The following PRUNE2 variants were observed in gnomAD, a reference collection of about 807,000 sequenced individuals.
PRUNE2 encodes the protein prune homolog 2 with BCH domain, also known as protein prune homolog 2.
Under a neutral mutation model 252.0 loss-of-function variants are expected in PRUNE2, and 164 were observed. The ratio of observed to expected loss-of-function variants is 0.65; its 90% CI spans 0.57 to 0.74. The LOEUF (loss-of-function observed/expected upper bound fraction) is 0.74, where lower values mean the gene tolerates loss of function less well. PRUNE2 is among the 30% of genes least tolerant of loss of function. The probability of loss-of-function intolerance (pLI) is 0.00; values close to 1 mark genes in which losing one functional copy is unlikely to be tolerated. For missense variants in PRUNE2, 3,495 were observed against 3,711.0 expected (o/e 0.94, Z 1.51); for synonymous variants, 1,292 against 1,350.2 (o/e 0.96, Z 0.94).
chr9:76,691,333 A>G (rs1004348658), intron 9 of PRUNE2, among the ~76,000 whole-genome samples: 1 of 152,228 alleles, frequency 6.6e-6, no homozygotes, highest in Non-Finnish European at 1.5e-5. Context: ...CTACTAGGTA[A>G]GAGTCTACCG....
chr9:76,843,919 G>A (rs1450679136), intron 4 of PRUNE2, among the ~76,000 whole-genome samples: 1 of 151,932 alleles, frequency 6.6e-6, no homozygotes, highest in African/African-American at 2.4e-5. Flanking sequence ...GTAGAGACGA[G>A]GTTTCACCAT....
chr9:76,852,605 T>C (rs1349676886), intron 2 of PRUNE2, among the ~76,000 whole-genome samples: 2 of 152,182 alleles, frequency 1.3e-5, no homozygotes, highest in South Asian at 2.1e-4. Flanking sequence ...GAGGGAGTAG[T>C]TGGGTTTTGA....
intron 11 of PRUNE2, among the ~76,000 whole-genome samples, chr9:76,646,907 G>A (rs1845109142): frequency 6.6e-6 from 1 of 152,082 alleles, no homozygotes; most frequent in Admixed American, 6.6e-5. Context: ...AAAAATTTTT[G>A]ATTGGGTGTG....
intron 6 of PRUNE2, among the ~76,000 whole-genome samples, chr9:76,770,902 G>A (rs1433536853): frequency 6.6e-6 from 1 of 152,024 alleles, no homozygotes; most frequent in Non-Finnish European, 1.5e-5. Context: ...TGTGAAGGAA[G>A]ATACCAAAAA....
At chr9:76,654,193 T>C (rs1230243855) in intron 10 of PRUNE2, among the ~76,000 whole-genome samples, 1 of 152,128 alleles carries the variant, frequency 6.6e-6, no homozygotes, top group Non-Finnish European at 1.5e-5. Context: ...AGAAAACAGT[T>C]TGTTGCCTTC....
At chr9:76,628,766 T>G (rs754340635) in intron 16 of PRUNE2, among the ~76,000 whole-genome samples, 2 of 152,136 alleles carry the variant, frequency 1.3e-5, no homozygotes, top group Non-Finnish European at 2.9e-5. Flanking sequence ...TTGGAGGATA[T>G]TTAATATTGT....
At chr9:76,883,327 C>T (rs1391901631) in intron 1 of PRUNE2, among the ~76,000 whole-genome samples, 3 of 152,184 alleles carry the variant, frequency 2.0e-5, no homozygotes, top group Non-Finnish European at 4.4e-5. Context: ...CTTGAACAAC[C>T]ACTTTCATGA....
chr9:76,781,756 C>T (rs559979151), intron 6 of PRUNE2, among the ~76,000 whole-genome samples: 2 of 152,316 alleles, frequency 1.3e-5, no homozygotes, highest in South Asian at 4.1e-4. Flanking sequence ...TCGTACCTAG[C>T]ACATAGCATA....
chr9:76,754,628 G>A (rs541255639), intron 6 of PRUNE2, among the ~76,000 whole-genome samples: 2 of 152,154 alleles, frequency 1.3e-5, no homozygotes, highest in East Asian at 1.9e-4. Flanking sequence ...TAGGTAGGAC[G>A]TTTCCTAAGT....
At chr9:76,632,056 T>A (rs1160217089) in intron 15 of PRUNE2, among the ~76,000 whole-genome samples, 2 of 152,250 alleles carry the variant, frequency 1.3e-5, no homozygotes. Context: ...TTAATGGGCA[T>A]CTAGGTTGAT....
chr9:76,881,501 CTCTA>C (rs1338790824), intron 1 of PRUNE2, among the ~76,000 whole-genome samples: 1 of 152,162 alleles, frequency 6.6e-6, no homozygotes, highest in African/African-American at 2.4e-5. Context: ...ACAACTACCA[CTCTA>C]TCTACTTCTT....
chr9:76,720,091 T>C (rs1381500196), intron 6 of PRUNE2, among the ~76,000 whole-genome samples: 1 of 151,864 alleles, frequency 6.6e-6, no homozygotes, highest in African/African-American at 2.4e-5. Flanking sequence ...AATCATAGAA[T>C]GGTCACACAA....
chr9:76,899,829 T>C (rs1408922682), intron 1 of PRUNE2, among the ~76,000 whole-genome samples: 2 of 152,190 alleles, frequency 1.3e-5, no homozygotes, highest in East Asian at 1.9e-4. Context: ...TTTCTTTGTC[T>C]AACCTAAGAG....
chr9:76,843,541 T>C (rs1175860089), intron 4 of PRUNE2, among the ~76,000 whole-genome samples: 2 of 152,108 alleles, frequency 1.3e-5, no homozygotes, highest in Non-Finnish European at 1.5e-5. Flanking sequence ...CAAAGTAACA[T>C]GGTAGCTGCT....
chr9:76,819,077 C>A (rs1304607792), intron 6 of PRUNE2, among the ~76,000 whole-genome samples: 2 of 151,998 alleles, frequency 1.3e-5, no homozygotes, highest in South Asian at 2.1e-4. Flanking sequence ...CATGGCAAAC[C>A]CCATCTTTAC....
In PRUNE2 at chr9:76,850,736, C is replaced by G; in HGVS notation, c.142-71G>C. The G allele has an allele frequency of 1.2e-5, 14 of 1,176,474 alleles. No homozygotes were observed. The South Asian group carries it at 1.8e-4, about 15-fold the overall frequency. 72.9% of individuals were successfully genotyped at this position (1,176,474 alleles called of 1,614,324 possible). A position where few individuals can be genotyped will look rare whatever the true frequency, so the allele number is the denominator to read the frequency against. On this transcript the variant is annotated intron_variant, in intron 2 of 18. Coordinates refer to ENST00000376718, the MANE Select transcript of PRUNE2 (RefSeq NM_015225.3). ...AAGAATACAATTACATTTTCTCCAG[C>G]CTGGGGGTAACTGGTAAAAGGAATA...
At chr9:76,770,159 C>T (rs748100413) in intron 6 of PRUNE2, among the ~76,000 whole-genome samples, 8 of 152,154 alleles carry the variant, frequency 5.3e-5, no homozygotes, top group South Asian at 2.1e-4. Flanking sequence ...TTTACTATAA[C>T]ATTTATAGTA....
intron 6 of PRUNE2, among the ~76,000 whole-genome samples, chr9:76,804,160 C>A (rs114101232): frequency 0.045 from 6,823 of 152,260 alleles, 329 homozygotes; most frequent in African/African-American, 0.13. Context: ...ATTCTACACC[C>A]CACTGTGACG....
At chr9:76,702,129 G>A (rs912931474) in intron 9 of PRUNE2, among the ~76,000 whole-genome samples, 5 of 150,462 alleles carry the variant, frequency 3.3e-5, no homozygotes, top group African/African-American at 9.8e-5. Flanking sequence ...ACACGATCTC[G>A]GCTCACTGCA....
Sources: gnomAD v4.1 joint callset for allele counts (sites outside exome capture counted in the v4.1 genomes callset) on GRCh38, gnomAD v4.1.1 for gene constraint, MANE v1.5 for transcripts, NCBI Gene and HGNC (gene_info 2026-07-23, HGNC 2026-07-21) for gene names.